The following SGCZ variants were observed in gnomAD, a reference collection of about 807,000 sequenced individuals.
SGCZ encodes the protein zeta-sarcoglycan.
Under a neutral mutation model 41.3 loss-of-function variants are expected in SGCZ, and 40 were observed. The observed-to-expected ratio is 0.97, with a 90% CI of 0.75 to 1.26. SGCZ has a LOEUF of 1.26. SGCZ is among the 50% of genes most tolerant of loss of function. The pLI is 0.00. For missense variants in SGCZ, 552 were observed against 369.8 expected, an observed-to-expected ratio of 1.49 and a Z score of -4.04; for synonymous variants, 206 against 137.5, an observed-to-expected ratio of 1.50 and a Z score of -3.49.
chr8:15,201,297 G>A (rs1800881211), intron 1 of SGCZ, among the ~76,000 whole-genome samples: 1 of 152,192 alleles, frequency 6.6e-6, no homozygotes, highest in Non-Finnish European at 1.5e-5. Flanking sequence ...GATTACAGGC[G>A]TGAGCCCCCG....
rs1801444209 is a variant in SGCZ, at chr8:14,309,187, A to C, written c.336+14916T>G. 2.7e-6 allele frequency: 4 copies of C among 1,482,600 alleles called. No individual in the cohort carries two copies. The Admixed American group carries it at 5.0e-5, about 19-fold the overall frequency. 91.8% of individuals were successfully genotyped at this position (1,482,600 alleles called of 1,614,324 possible). A position where few individuals can be genotyped will look rare whatever the true frequency, so the allele number is the denominator to read the frequency against. ...AAAACGAAAAAAGCAAAACTTGGCA[A>C]GCAAACCTGCTGCGGCTGATCTCTA... On this transcript the variant is annotated intron_variant, in intron 3 of 7. Transcript: ENST00000382080.
At chr8:14,479,689 A>C (rs1445260720) in intron 2 of SGCZ, among the ~76,000 whole-genome samples, 2 of 146,626 alleles carry the variant, frequency 1.4e-5, no homozygotes, top group Non-Finnish European at 3.0e-5. Context: ...AAAACTAACA[A>C]CTTTCTTTAC....
intron 2 of SGCZ, among the ~76,000 whole-genome samples, chr8:14,412,095 G>T (rs1450889349): frequency 6.6e-6 from 1 of 152,010 alleles, no homozygotes; most frequent in Non-Finnish European, 1.5e-5. Context: ...AGATTGATTT[G>T]CAGAAAAGAA....
rs189889934 is a variant in SGCZ at position 14,702,576 on chromosome 8, G to C, written c.40-147650C>G. On this transcript the variant is annotated intron_variant, in intron 1 of 7. Coordinates refer to ENST00000382080, the MANE Select transcript of SGCZ (RefSeq NM_139167.4). ...ATTTATGTCTGGAAACAAAATTATTGACCCAATCCCCCACAACCAACCCTC... is the reference window on the plus strand; with the variant it reads ...ATTTATGTCTGGAAACAAAATTATTCACCCAATCCCCCACAACCAACCCTC... 4.6e-5 allele frequency among the ~76,000 whole-genome samples: 7 copies of C among 151,832 alleles called. No individual in the cohort carries two copies. The East Asian group carries it at 1.2e-3, about 25-fold the overall frequency.
intron 1 of SGCZ, among the ~76,000 whole-genome samples, chr8:14,716,487 C>G (rs1468172357): frequency 6.6e-6 from 1 of 151,950 alleles, no homozygotes; most frequent in Admixed American, 6.6e-5. Context: ...CCTGCAAAAC[C>G]GAGTTTTGTT....
At chr8:14,246,846 C>A (rs535993495) in intron 3 of SGCZ, among the ~76,000 whole-genome samples, 1 of 140,602 alleles carries the variant, frequency 7.1e-6, no homozygotes, top group Non-Finnish European at 1.5e-5. Context: ...GGAGGCAGAG[C>A]TTGCAGTGAG....
chr8:14,382,697 A>T (rs2064445518), intron 2 of SGCZ, among the ~76,000 whole-genome samples: 1 of 152,200 alleles, frequency 6.6e-6, no homozygotes, highest in Non-Finnish European at 1.5e-5. Flanking sequence ...AGATTAACAA[A>T]TATGCCACAC....
At chr8:14,953,053 G>T (rs1338613821) in intron 1 of SGCZ, among the ~76,000 whole-genome samples, 1 of 152,050 alleles carries the variant, frequency 6.6e-6, no homozygotes, top group African/African-American at 2.4e-5. Flanking sequence ...CATACACAGG[G>T]ATAAAACAAA....
chr8:14,346,251 A>C lies in SGCZ; in HGVS notation c.235-22047T>G, dbSNP rs192463416. On this transcript the variant is annotated intron_variant, in intron 2 of 7. Coordinates refer to ENST00000382080, the MANE Select transcript of SGCZ (RefSeq NM_139167.4). ...GTACATTCTGCTCATTTTCCTGTAA[A>C]CCTAAAACTCCTCAAAAAGTAAAAT... Among the ~76,000 whole-genome samples, 57 of 152,094 alleles carry C rather than the reference A, an allele frequency of 3.7e-4. 1 individual carries two copies. The highest frequency in any genetic ancestry group is 6.8e-3 in the Middle Eastern group (2 of 294).
chr8:14,555,693 G>C (rs746661595), intron 1 of SGCZ, among the ~76,000 whole-genome samples: 4 of 151,980 alleles, frequency 2.6e-5, no homozygotes, highest in Non-Finnish European at 4.4e-5. Flanking sequence ...TTGCAGTAGA[G>C]AGAGACTGAG....
chr8:15,208,492 T>C (rs1801139220), intron 1 of SGCZ, among the ~76,000 whole-genome samples: 1 of 152,166 alleles, frequency 6.6e-6, no homozygotes, highest in Non-Finnish European at 1.5e-5. Context: ...TTTCTTTTTT[T>C]CCCCAAACAC....
chr8:14,425,033 T>C (rs2117317167), intron 2 of SGCZ, among the ~76,000 whole-genome samples: 1 of 152,294 alleles, frequency 6.6e-6, no homozygotes, highest in East Asian at 1.9e-4. Flanking sequence ...AAATATATTT[T>C]CTGTTAGCTT....
chr8:15,153,806 A>C (rs947703911), intron 1 of SGCZ, among the ~76,000 whole-genome samples: 1 of 152,088 alleles, frequency 6.6e-6, no homozygotes, highest in Non-Finnish European at 1.5e-5. Context: ...CCCATGAGTC[A>C]ATTAAACCTG....
chr8:15,014,811 G>C (rs1387553059), intron 1 of SGCZ, among the ~76,000 whole-genome samples: 1 of 152,190 alleles, frequency 6.6e-6, no homozygotes, highest in Non-Finnish European at 1.5e-5. Flanking sequence ...ATTCTGTCCA[G>C]ACAATTAGTT....
At chr8:14,503,552 G>T (rs1802216874) in intron 2 of SGCZ, among the ~76,000 whole-genome samples, 1 of 152,226 alleles carries the variant, frequency 6.6e-6, no homozygotes, top group Admixed American at 6.5e-5. Flanking sequence ...GGCAAATCAT[G>T]AGTTCAAGAG....
In SGCZ at chr8:14,826,473, G is replaced by A. The variant is rs867267269; in HGVS notation, c.40-271547C>T. On this transcript the variant is annotated intron_variant, in intron 1 of 7. Transcript: ENST00000382080. Reference sequence around the variant, plus strand: ...CAGTAATGGGATGGCTGGGTCAAATGGTATTTCTAGTTCTAGATCCCTGAG... The same window carrying A: ...CAGTAATGGGATGGCTGGGTCAAATAGTATTTCTAGTTCTAGATCCCTGAG... 3.3e-5 allele frequency among the ~76,000 whole-genome samples: 5 copies of A among 152,106 alleles called. No homozygotes were observed. The Middle Eastern group carries it at 0.014, about 414-fold the overall frequency.
chr8:14,861,565 T>C (rs1348643900), intron 1 of SGCZ, among the ~76,000 whole-genome samples: 1 of 152,142 alleles, frequency 6.6e-6, no homozygotes, highest in African/African-American at 2.4e-5. Context: ...ATAATTAAAA[T>C]ACTAATTTTT....
intron 1 of SGCZ, among the ~76,000 whole-genome samples, chr8:15,042,893 A>G (rs1249824926): frequency 1.3e-5 from 2 of 152,108 alleles, no homozygotes; most frequent in East Asian, 3.9e-4. Context: ...TGGGGCATAT[A>G]TTGTTTGTTT....
intron 4 of SGCZ, among the ~76,000 whole-genome samples, chr8:14,219,814 C>A (rs1806130085): frequency 6.6e-6 from 1 of 150,440 alleles, no homozygotes; most frequent in South Asian, 2.1e-4. Context: ...CACCTGACCT[C>A]TTGCCAACCG....
Sources: allele counts gnomAD v4.1 joint callset (sites outside exome capture counted in the v4.1 genomes callset), GRCh38; gene constraint gnomAD v4.1.1; transcripts MANE v1.5; gene names NCBI Gene and HGNC (gene_info 2026-07-23, HGNC 2026-07-21).